Variants in SOX6 observed in about 807,000 individuals in gnomAD.
SOX6 encodes SRY-box transcription factor 6.
A neutral mutation model predicts 97.8 loss-of-function variants in SOX6; 11 were observed. That is an observed-to-expected ratio of 0.11 (90% CI 0.07 to 0.19). The LOEUF is 0.19. Among genes scored for constraint, SOX6 ranks in the 10% least tolerant of loss-of-function variants. The probability of loss-of-function intolerance (pLI) is 1.00; values close to 1 mark genes in which losing one functional copy is unlikely to be tolerated. For missense variants in SOX6, 810 were observed against 1,039.5 expected (o/e 0.78, Z 3.04); for synonymous variants, 360 against 371.4 (o/e 0.97, Z 0.35).
At chr11:16,307,372 C>T (rs1855473772) in intron 3 of SOX6, among the ~76,000 whole-genome samples, 1 of 152,154 alleles carries the variant, frequency 6.6e-6, no homozygotes, top group South Asian at 2.1e-4. Context: ...TAATCAGGGT[C>T]AAGGCTTAAG....
intron 6 of SOX6, among the ~76,000 whole-genome samples, chr11:16,166,525 G>T (rs1292632065): frequency 6.6e-6 from 1 of 152,178 alleles, no homozygotes; most frequent in East Asian, 1.9e-4. Context: ...TATCAAACTA[G>T]GCATGTTGGG....
At chr11:16,553,202 T>C (rs1847709542) in intron 4 of SOX6, among the ~76,000 whole-genome samples, 1 of 152,088 alleles carries the variant, frequency 6.6e-6, no homozygotes, top group South Asian at 2.1e-4. Context: ...GGAAAGAACT[T>C]AAGGTTAAGT....
chr11:16,558,648 G>A (rs1847775534), intron 4 of SOX6, among the ~76,000 whole-genome samples: 2 of 151,880 alleles, frequency 1.3e-5, no homozygotes, highest in African/African-American at 2.4e-5. Flanking sequence ...AAACTGAGAA[G>A]GCAAGGTTAA....
intron 3 of SOX6, among the ~76,000 whole-genome samples, chr11:16,629,584 G>A (rs1848674849): frequency 6.6e-6 from 1 of 151,924 alleles, no homozygotes; most frequent in Admixed American, 6.6e-5. Flanking sequence ...GCCAGGTTTG[G>A]GTATCAGAGT....
chr11:16,574,632 G>T (rs1022752387), intron 4 of SOX6, among the ~76,000 whole-genome samples: 1 of 152,022 alleles, frequency 6.6e-6, no homozygotes, highest in African/African-American at 2.4e-5. Flanking sequence ...GAGAACATCT[G>T]TTCATCAAAA....
intron 4 of SOX6, among the ~76,000 whole-genome samples, chr11:16,485,993 G>T (rs1860426124): frequency 2.4e-5 from 1 of 42,220 alleles, no homozygotes; most frequent in Non-Finnish European, 3.9e-5. Context: ...GAGGGGAGGG[G>T]AGGGGAAGGA....
intron 6 of SOX6, among the ~76,000 whole-genome samples, chr11:16,179,156 T>C (rs952051758): frequency 6.6e-6 from 1 of 151,890 alleles, no homozygotes; most frequent in African/African-American, 2.4e-5. Flanking sequence ...GTTAATCATA[T>C]TGAAGGAAAC....
At chr11:16,558,089 G>A (rs1228986565) in intron 4 of SOX6, among the ~76,000 whole-genome samples, 1 of 151,806 alleles carries the variant, frequency 6.6e-6, no homozygotes, top group Admixed American at 6.6e-5. Context: ...AACTTAACTA[G>A]ATGTTCTAGC....
At chr11:16,448,387 G>A (rs1425254779) in intron 1 of SOX6, among the ~76,000 whole-genome samples, 1 of 152,046 alleles carries the variant, frequency 6.6e-6, no homozygotes, top group East Asian at 1.9e-4. Context: ...AATCTTTAGA[G>A]CCTTTTCAAT....
At chr11:16,399,474 C>T (rs1429666587) in intron 1 of SOX6, among the ~76,000 whole-genome samples, 2 of 151,308 alleles carry the variant, frequency 1.3e-5, no homozygotes, top group Non-Finnish European at 3.0e-5. Flanking sequence ...GATCCTCTCA[C>T]CTCAGCCTCC....
In SOX6 at chr11:16,503,178, T is replaced by C. The variant is rs149436308; in HGVS notation, n.610-26790A>G. ...GATAAGCAAAAACTGAGGGAATTCA[T>C]CACCACAGGACAAGCTCTACAAGAA... On this transcript the variant is annotated intron_variant and non_coding_transcript_variant, in intron 4 of 5. Transcript: ENST00000524520. 1.2e-3 allele frequency among the ~76,000 whole-genome samples: 175 copies of C among 151,626 alleles called. 3 individuals carry two copies. The highest frequency in any genetic ancestry group is 3.9e-3 in the African/African-American group (160 of 41,320).
rs373460347 is a variant in SOX6, at chr11:16,367,875, T to A, written c.-4-26623A>T. Among the ~76,000 whole-genome samples, 9 of 152,276 alleles carry A rather than the reference T, an allele frequency of 5.9e-5. 1 individual carries two copies. Among genetic ancestry groups the A allele is most frequent in the African/African-American group, 2.2e-4 (9 of 41,566 alleles). ...TAACTTTCCTAAAAAGCATTAAATC[T>A]AATACAGTAGGGAAAGTCTTCACTT... On this transcript the variant is annotated intron_variant, in intron 1 of 15. Transcript: ENST00000396356.
At chr11:16,527,120 C>T (rs899780586) in intron 4 of SOX6, among the ~76,000 whole-genome samples, 5 of 151,912 alleles carry the variant, frequency 3.3e-5, no homozygotes, top group Non-Finnish European at 5.9e-5. Context: ...TCCTGACTGG[C>T]ATCTCAGTTA....
intron 12 of SOX6, among the ~76,000 whole-genome samples, chr11:16,037,762 A>G (rs1864152276): frequency 6.6e-6 from 1 of 152,176 alleles, no homozygotes; most frequent in Non-Finnish European, 1.5e-5. Flanking sequence ...CCCATTCTTT[A>G]TTTAAACTGC....
At chr11:16,374,479 A>C (rs754871841) in intron 1 of SOX6, among the ~76,000 whole-genome samples, 8 of 152,068 alleles carry the variant, frequency 5.3e-5, no homozygotes, top group Non-Finnish European at 8.8e-5. Flanking sequence ...TAACTTCTAC[A>C]TTTATGCAAT....
intron 4 of SOX6, among the ~76,000 whole-genome samples, chr11:16,502,143 T>C (rs574486505): frequency 9.4e-4 from 143 of 152,286 alleles, no homozygotes; most frequent in African/African-American, 3.4e-3. Flanking sequence ...TAAAAAATGA[T>C]GAGTTCATGT....
At chr11:16,528,672 T>C (rs187489576) in intron 4 of SOX6, among the ~76,000 whole-genome samples, 47 of 152,248 alleles carry the variant, frequency 3.1e-4, no homozygotes, top group Admixed American at 3.9e-4. Flanking sequence ...AATAGACTTA[T>C]GAAATGATAG....
At chr11:16,366,210 C>G (rs1446033071) in intron 1 of SOX6, among the ~76,000 whole-genome samples, 1 of 152,150 alleles carries the variant, frequency 6.6e-6, no homozygotes, top group Admixed American at 6.6e-5. Context: ...AGACTATTCT[C>G]TCTGCCAGGA....
intron 10 of SOX6, among the ~76,000 whole-genome samples, chr11:16,052,415 TA>T (rs1407173726): frequency 6.6e-6 from 1 of 152,196 alleles, no homozygotes; most frequent in East Asian, 1.9e-4. Flanking sequence ...TGGTCATTTT[TA>T]AGAATGCCAA....
Sources: gnomAD v4.1 joint callset for allele counts (sites outside exome capture counted in the v4.1 genomes callset) on GRCh38, gnomAD v4.1.1 for gene constraint, MANE v1.5 for transcripts, NCBI Gene and HGNC (gene_info 2026-07-23, HGNC 2026-07-21) for gene names.